The following CD46 variants were observed in gnomAD, a reference collection of about 807,000 sequenced individuals.
CD46 encodes the protein CD46 molecule, also known as membrane cofactor protein.
Under a neutral mutation model 53.3 loss-of-function variants are expected in CD46, and 30 were observed. That is an observed-to-expected ratio of 0.56 (90% CI 0.42 to 0.76). CD46 has a LOEUF of 0.76. Among genes scored for constraint, CD46 ranks in the 30% least tolerant of loss-of-function variants. CD46 has a pLI of 0.00. For missense variants in CD46, 409 were observed against 463.0 expected, an observed-to-expected ratio of 0.88 and a Z score of 1.07; for synonymous variants, 142 against 152.0, an observed-to-expected ratio of 0.93 and a Z score of 0.48.
At chr1:207,784,164 G>T (rs1165175323) in intron 9 of CD46, among the ~76,000 whole-genome samples, 1 of 152,152 alleles carries the variant, frequency 6.6e-6, no homozygotes, top group Non-Finnish European at 1.5e-5. Flanking sequence ...GCAGGGCAGA[G>T]TATGGAAGTA....
Position 207,757,218 on chromosome 1 carries a change from T to C in CD46, c.286+16T>C, listed in dbSNP as rs1394431656. ...GCCTGTTATAGTAAGTAAACAAACC[T>C]CTTTTTTTTTTCTGCTTGCTCTAGA... is the stretch of plus-strand genomic sequence containing the variant. On this transcript the variant is annotated intron_variant, in intron 2 of 12. Coordinates refer to ENST00000367042, the MANE Select transcript of CD46 (RefSeq NM_172351.3). The C allele has an allele frequency of 6.3e-7, 1 of 1,597,296 alleles. No homozygotes were observed. The highest frequency in any genetic ancestry group is 8.6e-7 in the Non-Finnish European group (1 of 1,167,712).
Position 207,760,964 on chromosome 1 carries a change from T to A in CD46, c.476-285T>A, listed in dbSNP as rs139569369. 951 of 400,374 alleles carry A rather than the reference T, an allele frequency of 2.4e-3. 5 individuals carry two copies. Among genetic ancestry groups the A allele is most frequent in the African/African-American group, 0.017 (846 of 49,034 alleles). The allele number at this position is 400,374 out of a possible 1,614,324, so 24.8% of individuals were successfully genotyped here. On this transcript the variant is annotated intron_variant, in intron 4 of 12. Transcript: ENST00000367042. Reference sequence around the variant, plus strand: ...CCACCAGGCCCCACCTCCAACATTGTGGACTACAATTTGACATGCGATTTG... The same window carrying A: ...CCACCAGGCCCCACCTCCAACATTGAGGACTACAATTTGACATGCGATTTG...
intron 8 of CD46, among the ~76,000 whole-genome samples, chr1:207,782,109 G>A (rs915246846): frequency 6.6e-6 from 1 of 151,874 alleles, no homozygotes; most frequent in South Asian, 2.1e-4. Context: ...TAGCAGTTTT[G>A]TAGTTTTCAG....
chr1:207,756,841 G>A (rs1285503961), intron 1 of CD46, among the ~76,000 whole-genome samples, 173 bp from the exon 2 acceptor site: 4 of 152,222 alleles, frequency 2.6e-5, no homozygotes, highest in Admixed American at 6.5e-5. Context: ...AAACATGCAA[G>A]TCCCATTTCC....
At chr1:207,763,617 A>G (rs1246756706) in intron 5 of CD46, among the ~76,000 whole-genome samples, 2 of 152,080 alleles carry the variant, frequency 1.3e-5, no homozygotes, top group Non-Finnish European at 2.9e-5. Context: ...TGTTTTGAGC[A>G]ATAAGTTTTC....
rs1656188708 is a variant in CD46 at position 207,761,359 on chromosome 1, G to C, written c.586G>C (p.Gly196Arg). 2 of 1,613,538 alleles carry C rather than the reference G, an allele frequency of 1.2e-6. No homozygotes were observed. The highest frequency in any genetic ancestry group is 1.7e-6 in the Non-Finnish European group (2 of 1,179,570). Residue 196 changes from glycine (G) to arginine (R), a missense_variant, in exon 5 of 13, where the codon GGA becomes CGA. Transcript: ENST00000367042. ...AACTTATAGTTGTGATCCTGCACCT[G>C]GACCAGATCCATTTTCACTTATTGG... ...AVTYSCDPAP[G>R]PDPFSLIGES...
Sources: gnomAD v4.1 joint callset for allele counts (sites outside exome capture counted in the v4.1 genomes callset) on GRCh38, gnomAD v4.1.1 for gene constraint, MANE v1.5 for transcripts, NCBI Gene and HGNC (gene_info 2026-07-23, HGNC 2026-07-21) for gene names.